COPG1: variants seen among roughly 807,000 people sequenced by gnomAD.
COPG1 encodes coatomer subunit gamma-1.
In COPG1, 29 loss-of-function variants were observed where a neutral mutation model predicts 102.8. The observed-to-expected ratio is 0.28, with a 90% CI of 0.21 to 0.38. The LOEUF (loss-of-function observed/expected upper bound fraction) is 0.38. Among genes scored for constraint, COPG1 ranks in the 10% least tolerant of loss-of-function variants. The pLI is 1.00. For synonymous variants in COPG1, 406 were observed against 421.6 expected, an observed-to-expected ratio of 0.96 and a Z score of 0.45; for missense variants, 875 against 1,132.7, an observed-to-expected ratio of 0.77 and a Z score of 3.27.
intron 1 of COPG1, 147 bp from the exon 2 acceptor site, chr3:129,250,535 G>C (rs1048814552): frequency 4.9e-5 from 32 of 653,654 alleles, no homozygotes; most frequent in African/African-American, 3.6e-4. Flanking sequence ...AGGATCCCTA[G>C]ACAGATTGTA....
intron 14 of COPG1, among the ~76,000 whole-genome samples, chr3:129,266,113 A>G (rs1041373167): frequency 7.9e-5 from 12 of 151,994 alleles, no homozygotes; most frequent in African/African-American, 2.7e-4. Flanking sequence ...GTGGGACTAC[A>G]GGTGTGTGCC....
intron 1 of COPG1, among the ~76,000 whole-genome samples, chr3:129,250,021 A>G (rs1411608615): frequency 2.7e-5 from 4 of 150,748 alleles, no homozygotes; most frequent in Admixed American, 6.6e-5. Context: ...GGAGGGGACC[A>G]TGCCGAATGT....
intron 2 of COPG1, among the ~76,000 whole-genome samples, chr3:129,251,213 G>A (rs1318163598): frequency 6.6e-6 from 1 of 151,200 alleles, no homozygotes; most frequent in African/African-American, 2.4e-5. Context: ...TTGAGCCACC[G>A]CGCCTGGCCT....
In COPG1 at chr3:129,269,116, T is replaced by C. The variant is rs1342665877; in HGVS notation, c.1843+116T>C. ...TGAGTGCTAGGCCCTTGAGATGCTT[T>C]AGACCTACTATCACATTTGACCCTC... On this transcript the variant is annotated intron_variant, in intron 18 of 23. Transcript: ENST00000314797. 4.7e-6 allele frequency: 4 copies of C among 845,478 alleles called. No homozygotes were observed. The Admixed American group carries it at 8.2e-5, about 17-fold the overall frequency. 52.4% of individuals were successfully genotyped at this position (845,478 alleles called of 1,614,324 possible). A position where few individuals can be genotyped will look rare whatever the true frequency, so the allele number is the denominator to read the frequency against.
At chr3:129,256,233 C>A in intron 8 of COPG1, 79 bp downstream of exon 8, 1 of 1,175,596 alleles carries the variant, frequency 8.5e-7, no homozygotes, top group Non-Finnish European at 1.3e-6. Context: ...TGGACACTTG[C>A]CACCGAGATC....
rs140496288 is a variant in COPG1 at position 129,263,990 on chromosome 3, G to A, written c.1215G>A (p.Leu405=). The A allele has an allele frequency of 6.2e-7, 1 of 1,613,964 alleles. No individual in the cohort carries two copies. The highest frequency in any genetic ancestry group is 8.5e-7 in the Non-Finnish European group (1 of 1,179,912). The change falls in exon 13 of 24, where the codon CTG becomes CTA. Residue 405 remains leucine, a synonymous_variant. Coordinates refer to ENST00000314797, the MANE Select transcript of COPG1 (RefSeq NM_016128.4). Reference sequence around the variant, plus strand: ...TTATGAACTTCCTGTTCACCATGCTGCGGGAAGAGGTAAGAGTCAGGGGCA... The same window carrying A: ...TTATGAACTTCCTGTTCACCATGCTACGGGAAGAGGTAAGAGTCAGGGGCA... ...AVLMNFLFTM[L]REEGGFEYKR...
rs1327817360 is a variant in COPG1, at chr3:129,272,432, A to G, written c.2158+17A>G. 1.9e-6 allele frequency: 3 copies of G among 1,605,096 alleles called. No individual in the cohort carries two copies. Among genetic ancestry groups the G allele is most frequent in the South Asian group, 2.2e-5 (2 of 90,090 alleles). ...CCACAGCTGGTGAGCCCCTCTCCAG[A>G]TACCACCCTATCCTCCTGGGAGCTC... On this transcript the variant is annotated intron_variant, in intron 20 of 23. Coordinates refer to ENST00000314797, the MANE Select transcript of COPG1 (RefSeq NM_016128.4).
chr3:129,250,259 T>C (rs568572448), intron 1 of COPG1, among the ~76,000 whole-genome samples: 1 of 152,182 alleles, frequency 6.6e-6, no homozygotes, highest in Non-Finnish European at 1.5e-5. Flanking sequence ...GAGCTAGGAA[T>C]ATTAGAATGG....
At position 129,254,414 on chromosome 3, in the gene COPG1, G is replaced by A. The variant is rs1353215443; in HGVS notation, c.324-254G>A. 3.0e-5 allele frequency: 14 copies of A among 462,042 alleles called. No homozygotes were observed. The Admixed American group carries it at 5.1e-4, about 17-fold the overall frequency. 28.6% of individuals were successfully genotyped at this position (462,042 alleles called of 1,614,324 possible). ...ATAGCCAGTTAGGGAAGTTCAAGGA[G>A]TTACATTCAGGTCACTGGCAGTAGG... On this transcript the variant is annotated intron_variant, in intron 5 of 23. Coordinates refer to ENST00000314797, the MANE Select transcript of COPG1 (RefSeq NM_016128.4).
At position 129,257,709 on chromosome 3, in the gene COPG1, C is replaced by T; in HGVS notation, c.738-18C>T. On this transcript the variant is annotated intron_variant, in intron 9 of 23. Coordinates refer to ENST00000314797, the MANE Select transcript of COPG1 (RefSeq NM_016128.4). ...GGCCACCCCCAACGTTTTCTTGCCA[C>T]CCTATGTTCTTTTGTAGCCGTGACA... 2 of 1,613,708 alleles carry T rather than the reference C, an allele frequency of 1.2e-6. No homozygotes were observed. The highest frequency in any genetic ancestry group is 1.7e-5 in the Admixed American group (1 of 60,008).
At chr3:129,255,963 A>G (rs1939800475) in intron 7 of COPG1, 105 bp from the exon 8 acceptor site, 4 of 894,514 alleles carry the variant, frequency 4.5e-6, no homozygotes, top group Non-Finnish European at 7.1e-6. Flanking sequence ...GGACCAGGAC[A>G]GTGGCGAGCC....
chr3:129,254,067 G>A (rs1397062615), intron 5 of COPG1, among the ~76,000 whole-genome samples: 1 of 151,054 alleles, frequency 6.6e-6, no homozygotes, highest in Non-Finnish European at 1.5e-5. Context: ...GGGAGGCCGA[G>A]GCGGGTGGAT....
Position 129,277,161 on chromosome 3 carries a change from GAT to G in COPG1, c.2495-132_2495-131del, listed in dbSNP as rs920544986. The G allele has an allele frequency of 4.6e-6, 4 of 875,916 alleles. No homozygotes were observed. In the African/African-American group the frequency reaches 6.6e-5, roughly 15 times the overall value. 54.3% of individuals were successfully genotyped at this position (875,916 alleles called of 1,614,324 possible). On this transcript the variant is annotated intron_variant, in intron 23 of 23. Transcript: ENST00000314797. ...TTCACAGTGAAATCCCTCACTCAGGGATTTCAGCCCAGCTCTCCTGCCCGTTT... is the reference window on the plus strand; with the variant it reads ...TTCACAGTGAAATCCCTCACTCAGGGTTCAGCCCAGCTCTCCTGCCCGTTT...
At chr3:129,269,718 T>A (rs1940150034) in intron 18 of COPG1, among the ~76,000 whole-genome samples, 1 of 152,140 alleles carries the variant, frequency 6.6e-6, no homozygotes, top group African/African-American at 2.4e-5. Flanking sequence ...ATGTCTTATA[T>A]CAATATAGCA....
chr3:129,250,816 T>G (rs1939678093), intron 2 of COPG1, 82 bp downstream of exon 2: 2 of 1,322,100 alleles, frequency 1.5e-6, no homozygotes, highest in East Asian at 2.3e-5. Flanking sequence ...ATTCAAAGTG[T>G]TGTTTTAAAG....
intron 12 of COPG1, among the ~76,000 whole-genome samples, chr3:129,261,150 C>A (rs955389876): frequency 2.6e-5 from 4 of 152,178 alleles, no homozygotes; most frequent in African/African-American, 9.7e-5. Flanking sequence ...CAGGTGACTG[C>A]CCTCCTGGAG....
At position 129,275,693 on chromosome 3, in the gene COPG1, T is replaced by C. The variant is rs1025895737; in HGVS notation, c.2494+401T>C. 3.5e-4 allele frequency among the ~76,000 whole-genome samples: 53 copies of C among 152,348 alleles called. No individual in the cohort carries two copies. Among genetic ancestry groups the C allele is most frequent in the Admixed American group, 3.1e-3 (48 of 15,306 alleles). ...ATATGTAGAGCTTCCTCATTCTTTT[T>C]CTTTTAATTGTGGTAAAATATACAT... On this transcript the variant is annotated intron_variant, in intron 23 of 23. Coordinates refer to ENST00000314797, the MANE Select transcript of COPG1 (RefSeq NM_016128.4). This position sits in a 1 kb window ranked among gnomAD's most constrained non-coding sequence, Gnocchi z 5.0.
intron 5 of COPG1, among the ~76,000 whole-genome samples, chr3:129,253,877 A>G (rs1019946614): frequency 2.6e-5 from 4 of 151,846 alleles, no homozygotes; most frequent in Non-Finnish European, 5.9e-5. Context: ...GCGCACACCT[A>G]TAATCCCAGC....
chr3:129,271,805 C>G lies in COPG1; in HGVS notation c.1882C>G (p.Pro628Ala). The change falls in exon 19 of 24, where the codon CCC (proline) becomes GCC (alanine). Residue 628 changes from proline to alanine, a missense_variant. Coordinates refer to ENST00000314797, the MANE Select transcript of COPG1 (RefSeq NM_016128.4). The surrounding 1 kb of genome is among the most constrained non-coding windows in gnomAD (Gnocchi z 4.7). ...AAVPEFRGLG[P>A]LFKSSPEPVA... is the part of the protein sequence containing the mutation. Reference sequence around the variant, plus strand: ...AGTGCCAGAGTTCCGCGGTCTTGGGCCCCTCTTCAAGTCCTCGCCTGAGCC... The same window carrying G: ...AGTGCCAGAGTTCCGCGGTCTTGGGGCCCTCTTCAAGTCCTCGCCTGAGCC... 6.2e-7 allele frequency: 1 copy of G among 1,614,198 alleles called. No individual in the cohort carries two copies.
Sources: gnomAD v4.1 joint callset for allele counts (sites outside exome capture counted in the v4.1 genomes callset) on GRCh38, gnomAD v4.1.1 for gene constraint, Gnocchi (gnomAD v3.1) non-coding constraint, MANE v1.5 for transcripts, NCBI Gene and HGNC (gene_info 2026-07-23, HGNC 2026-07-21) for gene names.